HS6ST3: variants seen among roughly 807,000 people sequenced by gnomAD.
The protein encoded by HS6ST3 is heparan sulfate 6-O-sulfotransferase 3, also known as heparan-sulfate 6-O-sulfotransferase 3.
Under a neutral mutation model 36.7 loss-of-function variants are expected in HS6ST3, and 12 were observed. That is an observed-to-expected ratio of 0.33 (90% CI 0.21 to 0.53). The LOEUF is 0.53. HS6ST3 is among the 20% of genes least tolerant of loss of function. The probability of loss-of-function intolerance (pLI) is 0.95; values close to 1 mark genes in which losing one functional copy is unlikely to be tolerated. For synonymous variants in HS6ST3, 240 were observed against 257.5 expected (o/e 0.93, Z 0.65); for missense variants, 584 against 640.9 (o/e 0.91, Z 0.96).
intron 1 of HS6ST3, among the ~76,000 whole-genome samples, chr13:96,800,624 T>A (rs940756560): frequency 9.2e-5 from 14 of 152,054 alleles, no homozygotes; most frequent in African/African-American, 2.9e-4. Flanking sequence ...TAAATACAAA[T>A]CTACTTCTCC....
rs551781863 is a variant in HS6ST3 at position 96,728,992 on chromosome 13, A to G, written c.708-103498A>G. ...GTGAGTGATATGTGCCCAACCAAGCACTGTGAATGCCTCATGTAAGAATGC... is the reference window on the plus strand; with the variant it reads ...GTGAGTGATATGTGCCCAACCAAGCGCTGTGAATGCCTCATGTAAGAATGC... On this transcript the variant is annotated intron_variant, in intron 1 of 1. Transcript: ENST00000376705. 5.3e-5 allele frequency among the ~76,000 whole-genome samples: 8 copies of G among 152,332 alleles called. No homozygotes were observed. In the South Asian group the frequency reaches 1.2e-3, roughly 24 times the overall value.
At chr13:96,259,252 A>G (rs993220726) in intron 1 of HS6ST3, among the ~76,000 whole-genome samples, 2 of 152,132 alleles carry the variant, frequency 1.3e-5, no homozygotes, top group Non-Finnish European at 2.9e-5. Context: ...GTGGCAAATC[A>G]TGAAAGGCCT....
Position 96,091,245 on chromosome 13 carries a change from A to G in HS6ST3, c.383A>G (p.Asn128Ser). The G allele has an allele frequency of 1.2e-6, 2 of 1,602,520 alleles. No homozygotes were observed. The highest frequency in any genetic ancestry group is 1.7e-6 in the Non-Finnish European group (2 of 1,174,418). The change falls in exon 1 of 2, where the codon AAC (asparagine) becomes AGC (serine). Residue 128 changes from asparagine to serine, a missense_variant. This residue lies in a region of HS6ST3 where 217 missense variants were observed against 205.4 expected (regional missense o/e 1.06). Transcript: ENST00000376705. ...CTGCCCCGATTCGTGCCGCGCTTCAACTTCAGCCTGAAGGACCTGACCCGC... is the reference window on the plus strand; with the variant it reads ...CTGCCCCGATTCGTGCCGCGCTTCAGCTTCAGCCTGAAGGACCTGACCCGC... ...GSLPRFVPRF[N>S]FSLKDLTRFV...
At chr13:96,798,985 A>G (rs1023693398) in intron 1 of HS6ST3, among the ~76,000 whole-genome samples, 1 of 152,084 alleles carries the variant, frequency 6.6e-6, no homozygotes, top group African/African-American at 2.4e-5. Flanking sequence ...TTGCCTTCTA[A>G]TAAGAATACA....
At chr13:96,621,438 T>C (rs1228036335) in intron 1 of HS6ST3, among the ~76,000 whole-genome samples, 1 of 152,170 alleles carries the variant, frequency 6.6e-6, no homozygotes, top group East Asian at 1.9e-4. Flanking sequence ...TGCTTCCCTT[T>C]TACCTTCTGC....
At chr13:96,510,746 T>C (rs1359515469) in intron 1 of HS6ST3, among the ~76,000 whole-genome samples, 2 of 152,128 alleles carry the variant, frequency 1.3e-5, no homozygotes, top group Non-Finnish European at 2.9e-5. Flanking sequence ...TTAATTCTAT[T>C]TTATTCCCTA....
rs545526216 is a variant in HS6ST3 at position 96,374,585 on chromosome 13, A to C, written c.707+283016A>C. Among the ~76,000 whole-genome samples, 23 of 152,160 alleles carry C rather than the reference A, an allele frequency of 1.5e-4. No homozygotes were observed. The South Asian group carries it at 4.4e-3, about 29-fold the overall frequency. On this transcript the variant is annotated intron_variant, in intron 1 of 1. Transcript: ENST00000376705. ...ACACTCCTTGTCCTTTTTCATTTCCATCTTCTGCAAAGACCTTGAGTAGCT... is the reference window on the plus strand; with the variant it reads ...ACACTCCTTGTCCTTTTTCATTTCCCTCTTCTGCAAAGACCTTGAGTAGCT...
intron 1 of HS6ST3, among the ~76,000 whole-genome samples, chr13:96,742,825 A>T (rs542270869): frequency 6.6e-6 from 1 of 152,212 alleles, no homozygotes; most frequent in Admixed American, 6.5e-5. Flanking sequence ...TTCAGTATGA[A>T]ATTGCATCCT....
chr13:96,528,025 G>A (rs2138932475), intron 1 of HS6ST3, among the ~76,000 whole-genome samples: 1 of 152,286 alleles, frequency 6.6e-6, no homozygotes, highest in African/African-American at 2.4e-5. Flanking sequence ...CATAATGCCA[G>A]CTTCACTTAA....
chr13:96,539,066 C>T (rs1021570615), intron 1 of HS6ST3, among the ~76,000 whole-genome samples: 10 of 152,050 alleles, frequency 6.6e-5, no homozygotes, highest in Admixed American at 3.9e-4. Context: ...CAGGGTTTCT[C>T]AGGGAAGTAT....
chr13:96,496,998 G>C (rs2055980199), intron 1 of HS6ST3, among the ~76,000 whole-genome samples: 1 of 152,122 alleles, frequency 6.6e-6, no homozygotes, highest in African/African-American at 2.4e-5. Flanking sequence ...ACTTAACCTT[G>C]TCTGGTGGGA....
chr13:96,813,743 T>C (rs575097069), intron 1 of HS6ST3, among the ~76,000 whole-genome samples: 1 of 152,256 alleles, frequency 6.6e-6, no homozygotes, highest in East Asian at 1.9e-4. Flanking sequence ...AAAAAGCCAA[T>C]AAACAACATA....
At chr13:96,242,748 A>G (rs1245809290) in intron 1 of HS6ST3, among the ~76,000 whole-genome samples, 2 of 152,222 alleles carry the variant, frequency 1.3e-5, no homozygotes, top group East Asian at 1.9e-4. Context: ...ATACAGCTAC[A>G]ATGGAAAGCA....
At chr13:96,701,180 A>G (rs943598271) in intron 1 of HS6ST3, among the ~76,000 whole-genome samples, 4 of 152,246 alleles carry the variant, frequency 2.6e-5, no homozygotes, top group Non-Finnish European at 4.4e-5. Context: ...AAGAAGTACT[A>G]TACTTACCAA....
At chr13:96,605,080 C>T (rs1419564121) in intron 1 of HS6ST3, among the ~76,000 whole-genome samples, 1 of 152,022 alleles carries the variant, frequency 6.6e-6, no homozygotes, top group Admixed American at 6.6e-5. Context: ...TTTTTTCTCT[C>T]CTGGTGGTTT....
chr13:96,349,770 T>C (rs1043081677), intron 1 of HS6ST3, among the ~76,000 whole-genome samples: 1 of 152,232 alleles, frequency 6.6e-6, no homozygotes, highest in Non-Finnish European at 1.5e-5. Context: ...ATGATTGAAT[T>C]GTTAATGCCA....
At chr13:96,511,913 C>T (rs1344465367) in intron 1 of HS6ST3, among the ~76,000 whole-genome samples, 4 of 152,098 alleles carry the variant, frequency 2.6e-5, no homozygotes, top group Non-Finnish European at 5.9e-5. Context: ...TTCAGTTTTA[C>T]TTTTATCCAG....
At chr13:96,674,104 A>T (rs1428585461) in intron 1 of HS6ST3, among the ~76,000 whole-genome samples, 1 of 152,086 alleles carries the variant, frequency 6.6e-6, no homozygotes, top group African/African-American at 2.4e-5. Context: ...TTGGAGGAGA[A>T]TGGGAGGTGA....
intron 1 of HS6ST3, among the ~76,000 whole-genome samples, chr13:96,704,316 G>A (rs994780055): frequency 6.6e-6 from 1 of 152,024 alleles, no homozygotes; most frequent in Admixed American, 6.6e-5. Flanking sequence ...GGAAGTTTTT[G>A]GTTCTCCACA....
Sources: gnomAD v4.1 joint callset for allele counts (sites outside exome capture counted in the v4.1 genomes callset) on GRCh38, gnomAD v4.1.1 for gene constraint, gnomAD v4.1.1 regional missense constraint, MANE v1.5 for transcripts, NCBI Gene and HGNC (gene_info 2026-07-23, HGNC 2026-07-21) for gene names.